KLHL2: variants seen among roughly 807,000 people sequenced by gnomAD.
The protein encoded by KLHL2 is kelch like family member 2, also known as kelch-like protein 2.
KLHL2 carries 15 observed loss-of-function variants against 75.8 expected under a neutral mutation model. The observed-to-expected ratio is 0.20, with a 90% confidence interval of 0.13 to 0.30. The LOEUF (loss-of-function observed/expected upper bound fraction) is 0.30. KLHL2 is among the 10% of genes least tolerant of loss of function. The probability of loss-of-function intolerance (pLI) is 1.00; values close to 1 mark genes in which losing one functional copy is unlikely to be tolerated. For synonymous variants in KLHL2, 214 were observed against 251.9 expected (o/e 0.85, Z 1.42); for missense variants, 381 against 741.0 (o/e 0.51, Z 5.64).
At chr4:165,264,737 T>TATATAC (rs1560784071) in intron 5 of KLHL2, among the ~76,000 whole-genome samples, 2 of 75,540 alleles carry the variant, frequency 2.6e-5, no homozygotes, top group Non-Finnish European at 5.2e-5. Context: ...TATATATATA[T>TATATAC]ATGTATATAT....
intron 2 of KLHL2, chr4:165,223,985 G>C: frequency 6.7e-6 from 3 of 446,784 alleles, no homozygotes; most frequent in South Asian, 4.7e-5. Flanking sequence ...CGTGATCTCA[G>C]CTCACTGCAA....
At chr4:165,316,126 A>C (rs1746571902) in intron 13 of KLHL2, among the ~76,000 whole-genome samples, 1 of 152,202 alleles carries the variant, frequency 6.6e-6, no homozygotes, top group Admixed American at 6.5e-5. Context: ...GTTGTGAGTT[A>C]GTGGGTTAGT....
At chr4:165,300,865 A>G (rs1394174965) in intron 8 of KLHL2, among the ~76,000 whole-genome samples, 1 of 151,974 alleles carries the variant, frequency 6.6e-6, no homozygotes, top group Non-Finnish European at 1.5e-5. Context: ...TTGTTTTTTA[A>G]ATTCTTTCAC....
chr4:165,317,084 T>C (rs1213559498), intron 13 of KLHL2, among the ~76,000 whole-genome samples: 1 of 152,180 alleles, frequency 6.6e-6, no homozygotes, highest in Non-Finnish European at 1.5e-5. Context: ...TAAATAATAT[T>C]GTTCTCTTTA....
chr4:165,317,990 C>T (rs371293002), intron 14 of KLHL2, 21 bp downstream of exon 14: 177 of 1,606,540 alleles, frequency 1.1e-4, no homozygotes, highest in Non-Finnish European at 1.4e-4. Flanking sequence ...TCTCTAAAGT[C>T]AATTTCCGTA....
At chr4:165,274,967 C>T (rs1456720700) in intron 5 of KLHL2, among the ~76,000 whole-genome samples, 1 of 152,204 alleles carries the variant, frequency 6.6e-6, no homozygotes, top group Non-Finnish European at 1.5e-5. Flanking sequence ...GACAGCCTGT[C>T]GCACTGACCA....
chr4:165,277,768 C>A lies in KLHL2; in HGVS notation c.544+14409C>A. ...TTAAAAACACACACACACACACACA[C>A]ACACACACACACACACACCAAATAT... On this transcript the variant is annotated intron_variant, in intron 5 of 14. Coordinates refer to ENST00000226725, the MANE Select transcript of KLHL2 (RefSeq NM_007246.4). 5 of 610,498 alleles carry A rather than the reference C, an allele frequency of 8.2e-6. No individual in the cohort carries two copies. The South Asian group carries it at 9.7e-5, about 12-fold the overall frequency. 37.8% of individuals were successfully genotyped at this position (610,498 alleles called of 1,614,324 possible).
Position 165,269,631 on chromosome 4 carries a change from G to A in KLHL2, c.544+6272G>A, listed in dbSNP as rs187495731. ...GAAAATCCTTTTCTTTAAGAATGTCGAATATTGGCTCCACTCTTTCCTGGC... is the reference window on the plus strand; with the variant it reads ...GAAAATCCTTTTCTTTAAGAATGTCAAATATTGGCTCCACTCTTTCCTGGC... On this transcript the variant is annotated intron_variant, in intron 5 of 14. Coordinates refer to ENST00000226725, the MANE Select transcript of KLHL2 (RefSeq NM_007246.4). 2.2e-4 allele frequency among the ~76,000 whole-genome samples: 33 copies of A among 150,262 alleles called. 1 individual carries two copies. The highest frequency in any genetic ancestry group is 2.1e-3 in the Admixed American group (32 of 15,016).
At chr4:165,284,009 TG>T (rs1055615307) in intron 5 of KLHL2, among the ~76,000 whole-genome samples, 2 of 152,202 alleles carry the variant, frequency 1.3e-5, no homozygotes, top group African/African-American at 4.8e-5. Flanking sequence ...CTGGAGTGGC[TG>T]GGACACAGGG....
At chr4:165,264,739 T>C (rs1490189830) in intron 5 of KLHL2, among the ~76,000 whole-genome samples, 2 of 60,594 alleles carry the variant, frequency 3.3e-5, no homozygotes, top group Non-Finnish European at 3.3e-5. Flanking sequence ...TATATATATA[T>C]GTATATATAT....
At chr4:165,224,896 A>T (rs937171893) in intron 2 of KLHL2, among the ~76,000 whole-genome samples, 1 of 152,244 alleles carries the variant, frequency 6.6e-6, no homozygotes, top group African/African-American at 2.4e-5. Context: ...TCATTAAATT[A>T]TTATTGACTA....
chr4:165,318,365 TTTTC>T (rs1234475209), intron 14 of KLHL2, among the ~76,000 whole-genome samples: 1 of 152,178 alleles, frequency 6.6e-6, no homozygotes, highest in Non-Finnish European at 1.5e-5. Context: ...GTGGAATAAT[TTTTC>T]TTTCTTAAGC....
intron 8 of KLHL2, 92 bp downstream of exon 8, chr4:165,299,748 T>C: frequency 5.8e-6 from 7 of 1,196,648 alleles, no homozygotes; most frequent in Non-Finnish European, 8.1e-6. Flanking sequence ...TTCCGTGATT[T>C]ATTGTTTTAG....
At chr4:165,293,182 C>T (rs960063474) in intron 5 of KLHL2, among the ~76,000 whole-genome samples, 1 of 152,098 alleles carries the variant, frequency 6.6e-6, no homozygotes, top group African/African-American at 2.4e-5. Context: ...ACAAAAGATT[C>T]GTTCTTTGTA....
At chr4:165,246,022 T>C (rs1016141407) in intron 4 of KLHL2, among the ~76,000 whole-genome samples, 7 of 152,088 alleles carry the variant, frequency 4.6e-5, no homozygotes, top group South Asian at 2.1e-4. Context: ...AGGCTTTACA[T>C]TGTAGAGGAG....
rs1560796143 is a variant in KLHL2, at chr4:165,277,751, ACACACACAC to A, written c.544+14393_544+14401del. ...AACCTTAACTGTGGATGTTAAAAAC[ACACACACAC>A]ACACACACACACACACACACACACA... On this transcript the variant is annotated intron_variant, in intron 5 of 14. Coordinates refer to ENST00000226725, the MANE Select transcript of KLHL2 (RefSeq NM_007246.4). 1.5e-3 allele frequency: 309 copies of A among 201,528 alleles called. No homozygotes were observed. The African/African-American group carries it at 0.017, about 11-fold the overall frequency. 12.5% of individuals were successfully genotyped at this position (201,528 alleles called of 1,614,324 possible).
intron 1 of KLHL2, 197 bp from the exon 2 acceptor site, chr4:165,219,737 T>G: frequency 7.0e-6 from 9 of 1,283,274 alleles, no homozygotes; most frequent in Non-Finnish European, 8.9e-6. Context: ...TTACCCACTT[T>G]TTAATTGAAA....
chr4:165,271,595 A>G (rs1427107267), intron 5 of KLHL2, among the ~76,000 whole-genome samples: 1 of 151,954 alleles, frequency 6.6e-6, no homozygotes, highest in Non-Finnish European at 1.5e-5. Flanking sequence ...ATCATCAGCA[A>G]ACAGAGATAG....
At chr4:165,256,833 C>A (rs1021862944) in intron 4 of KLHL2, among the ~76,000 whole-genome samples, 11 of 152,128 alleles carry the variant, frequency 7.2e-5, no homozygotes, top group African/African-American at 2.2e-4. Flanking sequence ...CCCTCTAATA[C>A]TGTTTGTTGT....
Sources: gnomAD v4.1 joint callset for allele counts (sites outside exome capture counted in the v4.1 genomes callset) on GRCh38, gnomAD v4.1.1 for gene constraint, MANE v1.5 for transcripts, NCBI Gene and HGNC (gene_info 2026-07-23, HGNC 2026-07-21) for gene names.